The following DOCK4 variants were observed in gnomAD, a reference collection of about 807,000 sequenced individuals.
The protein encoded by DOCK4 is dedicator of cytokinesis protein 4.
In DOCK4, 97 loss-of-function variants were observed where a neutral mutation model predicts 268.1. That is an observed-to-expected ratio of 0.36 (90% confidence interval 0.31 to 0.43). DOCK4 has a LOEUF of 0.43. Ranked by LOEUF, DOCK4 falls within the 20% of genes least tolerant of loss-of-function variation. DOCK4 has a pLI of 1.00. For synonymous variants in DOCK4, 954 were observed against 887.2 expected (o/e 1.08, Z -1.34); for missense variants, 2,145 against 2,455.7 (o/e 0.87, Z 2.67).
intron 43 of DOCK4, 90 bp from the exon 44 acceptor site, chr7:111,746,507 A>T (rs1340869415): frequency 9.8e-7 from 1 of 1,015,328 alleles, no homozygotes; most frequent in Non-Finnish European, 1.5e-6. Flanking sequence ...ATCTTTATGG[A>T]AATGACACCA....
intron 30 of DOCK4, among the ~76,000 whole-genome samples, chr7:111,798,198 C>A (rs936686773): frequency 6.6e-6 from 1 of 152,206 alleles, no homozygotes; most frequent in Admixed American, 6.5e-5. Flanking sequence ...GCAGAGACCA[C>A]TGGAGACAGA....
At chr7:112,110,230 A>G (rs1319045219) in intron 1 of DOCK4, among the ~76,000 whole-genome samples, 3 of 152,216 alleles carry the variant, frequency 2.0e-5, no homozygotes, top group Admixed American at 2.0e-4. Context: ...TAAATACTAA[A>G]AAAACTGCTC....
At chr7:111,941,276 T>C (rs184130371) in intron 10 of DOCK4, among the ~76,000 whole-genome samples, 1 of 152,328 alleles carries the variant, frequency 6.6e-6, no homozygotes, top group Non-Finnish European at 1.5e-5. Context: ...CCTGATGCCA[T>C]ATGTATGGCC....
At chr7:111,774,916 CG>C (rs1798350537) in intron 36 of DOCK4, among the ~76,000 whole-genome samples, 1 of 152,122 alleles carries the variant, frequency 6.6e-6, no homozygotes, top group African/African-American at 2.4e-5. Flanking sequence ...TAAGTGGGCA[CG>C]GGTGAGCTGT....
chr7:112,031,759 A>G (rs1275217055), intron 1 of DOCK4, among the ~76,000 whole-genome samples: 3 of 152,168 alleles, frequency 2.0e-5, no homozygotes, highest in Non-Finnish European at 4.4e-5. Flanking sequence ...CATTCTTAAA[A>G]CTATTAAATG....
chr7:111,728,470 G>A lies in DOCK4; in HGVS notation c.5732C>T (p.Pro1911Leu), dbSNP rs756866684. The change falls in exon 53 of 53, where the codon CCG (proline) becomes CTG (leucine). Residue 1911 changes from proline (P) to leucine (L), a missense_variant. Coordinates refer to ENST00000428084, the MANE Select transcript of DOCK4 (RefSeq NM_001363540.2). ...PVRKESKTPP[P>L]YSVYERTLRR... The stretch of plus-strand genomic sequence containing the variant: ...CAGAGTCCGCTCGTAGACGCTGTAC[G>A]GGGGCGGAGTCTTGCTCTCCTTGCG... The A allele has an allele frequency of 7.4e-5, 119 of 1,611,410 alleles. No individual in the cohort carries two copies. Among genetic ancestry groups the A allele is most frequent in the Non-Finnish European group, 9.5e-5 (112 of 1,178,936 alleles).
chr7:111,839,217 T>C (rs2134051210), intron 25 of DOCK4, among the ~76,000 whole-genome samples: 1 of 152,336 alleles, frequency 6.6e-6, no homozygotes, highest in East Asian at 1.9e-4. Flanking sequence ...TATCAGTAAG[T>C]ATACTTGAAT....
chr7:112,020,119 G>C (rs1171048707), intron 1 of DOCK4, among the ~76,000 whole-genome samples: 1 of 152,198 alleles, frequency 6.6e-6, no homozygotes, highest in Non-Finnish European at 1.5e-5. Context: ...GCACCCACCT[G>C]AGTTCTGACA....
chr7:111,897,767 G>C (rs1200263982), intron 15 of DOCK4, among the ~76,000 whole-genome samples: 1 of 152,150 alleles, frequency 6.6e-6, no homozygotes, highest in Non-Finnish European at 1.5e-5. Flanking sequence ...CTGCCCACTT[G>C]ACATCTTGAG....
chr7:112,066,063 A>G (rs1038668711), intron 1 of DOCK4, among the ~76,000 whole-genome samples: 2 of 152,144 alleles, frequency 1.3e-5, no homozygotes, highest in African/African-American at 4.8e-5. Flanking sequence ...AATTTTAGGT[A>G]TCAACTTGAC....
chr7:112,110,276 T>C (rs564091173), intron 1 of DOCK4, among the ~76,000 whole-genome samples: 1 of 152,360 alleles, frequency 6.6e-6, no homozygotes, highest in African/African-American at 2.4e-5. Context: ...AATTCAATTT[T>C]GATTAAAAGT....
intron 50 of DOCK4, among the ~76,000 whole-genome samples, chr7:111,736,103 C>T (rs1041298193): frequency 1.3e-5 from 2 of 152,236 alleles, no homozygotes; most frequent in Admixed American, 1.3e-4. Flanking sequence ...TTGCCTAAGA[C>T]TTCACTAATT....
chr7:111,931,967 A>T (rs1162087854), intron 12 of DOCK4, among the ~76,000 whole-genome samples: 2 of 152,212 alleles, frequency 1.3e-5, no homozygotes, highest in Non-Finnish European at 2.9e-5. Context: ...TCCTGTCTGT[A>T]AGCAGAGGGA....
At chr7:112,038,013 T>A (rs1803983233) in intron 1 of DOCK4, among the ~76,000 whole-genome samples, 1 of 152,226 alleles carries the variant, frequency 6.6e-6, no homozygotes, top group Non-Finnish European at 1.5e-5. Context: ...GGTTATCCAG[T>A]TTCATTTTAT....
chr7:112,107,450 G>C (rs897523005), intron 1 of DOCK4, among the ~76,000 whole-genome samples: 2 of 152,198 alleles, frequency 1.3e-5, no homozygotes, highest in African/African-American at 4.8e-5. Flanking sequence ...GCAGCTGTCT[G>C]CAAGACAAAA....
chr7:111,803,491 G>A (rs1563526822), intron 30 of DOCK4, among the ~76,000 whole-genome samples: 1 of 152,170 alleles, frequency 6.6e-6, no homozygotes, highest in Admixed American at 6.5e-5. Flanking sequence ...TATGCACACA[G>A]AACAGCCTGC....
At chr7:111,860,432 A>T (rs1446667920) in intron 23 of DOCK4, among the ~76,000 whole-genome samples, 1 of 152,238 alleles carries the variant, frequency 6.6e-6, no homozygotes. Flanking sequence ...ATGACGAGTT[A>T]GGAAGCAGCA....
chr7:111,797,108 C>T (rs886385967), intron 30 of DOCK4, among the ~76,000 whole-genome samples: 1 of 152,182 alleles, frequency 6.6e-6, no homozygotes, highest in African/African-American at 2.4e-5. Context: ...CACTCTAAAA[C>T]ACCAGAACTT....
chr7:111,934,430 T>TA (rs1385132341), intron 12 of DOCK4, among the ~76,000 whole-genome samples: 1 of 152,124 alleles, frequency 6.6e-6, no homozygotes, highest in African/African-American at 2.4e-5. Context: ...CTTTCTTTTT[T>TA]AGCCAACTTC....
Sources: gnomAD v4.1 joint callset for allele counts (sites outside exome capture counted in the v4.1 genomes callset) on GRCh38, gnomAD v4.1.1 for gene constraint, MANE v1.5 for transcripts, NCBI Gene and HGNC (gene_info 2026-07-23, HGNC 2026-07-21) for gene names.